PRDM8: variants seen among roughly 807,000 people sequenced by gnomAD.
PRDM8 encodes PR domain zinc finger protein 8.
In PRDM8, 13 loss-of-function variants were observed where a neutral mutation model predicts 46.5. The ratio of observed to expected loss-of-function variants is 0.28; its 90% CI spans 0.18 to 0.44. PRDM8 has a LOEUF of 0.44. Ranked by LOEUF, PRDM8 falls within the 20% of genes least tolerant of loss-of-function variation. PRDM8 has a pLI of 1.00. For synonymous variants in PRDM8, 473 were observed against 438.4 expected (o/e 1.08, Z -0.98); for missense variants, 998 against 955.0 (o/e 1.04, Z -0.59).
upstream of PRDM8, chr4:80,196,619 T>G: frequency 1.0e-6 from 1 of 985,184 alleles, no homozygotes; most frequent in Non-Finnish European, 1.2e-6. Flanking sequence ...TTTTTATTTT[T>G]AATCACCCTT....
Position 80,202,717 on chromosome 4 carries a change from G to C in PRDM8, c.1255G>C (p.Gly419Arg), listed in dbSNP as rs1311467255. The stretch of plus-strand genomic sequence containing the variant: ...CTCCGAGGACCAGGACGCTGGCGGC[G>C]GCGGCGGCTCCTCCACGCCCGCGGC... ...VASEDQDAGG[G>R]GGSSTPAAAS... is the part of the protein sequence containing the mutation. Residue 419 changes from glycine (G) to arginine (R), a missense_variant, in exon 4 of 4, where the codon GGC becomes CGC. Transcript: ENST00000415738. 1.5e-5 allele frequency: 20 copies of C among 1,318,906 alleles called. No individual in the cohort carries two copies. Among genetic ancestry groups the C allele is most frequent in the Non-Finnish European group, 1.9e-5 (20 of 1,040,080 alleles). The allele number at this position is 1,318,906 out of a possible 1,614,324, so 81.7% of individuals were successfully genotyped here. A position where few individuals can be genotyped will look rare whatever the true frequency, so the allele number is the denominator to read the frequency against.
At chr4:80,186,755 C>T (rs1485085277) in intron 1 of PRDM8, among the ~76,000 whole-genome samples, 1 of 152,222 alleles carries the variant, frequency 6.6e-6, no homozygotes, top group African/African-American at 2.4e-5. Context: ...TTAGATGCCT[C>T]TTCCGTGTTT....
chr4:80,198,529 A>C (rs12645503), intron 1 of PRDM8, among the ~76,000 whole-genome samples: 41,840 of 152,114 alleles, frequency 0.28, 6,304 homozygotes, highest in East Asian at 0.62. Flanking sequence ...AAAAATGACC[A>C]GGGATAGATG....
chr4:80,197,019 C>T (rs1187482646), upstream of PRDM8: 10 of 985,334 alleles, frequency 1.0e-5, no homozygotes, highest in Non-Finnish European at 1.2e-5. Context: ...TTTATCACCC[C>T]CAGGCAACTA....
upstream of PRDM8, chr4:80,196,744 A>G: frequency 1.2e-6 from 1 of 863,576 alleles, no homozygotes; most frequent in Non-Finnish European, 1.4e-6. Context: ...ACAAAAACAA[A>G]CAAAAAAAAA....
At position 80,202,198 on chromosome 4, in the gene PRDM8, C is replaced by G. The variant is rs1330185577; in HGVS notation, c.736C>G (p.Pro246Ala). Residue 246 changes from proline to alanine, a missense_variant, in exon 4 of 4, where the codon CCA becomes GCA. Coordinates refer to ENST00000415738, the MANE Select transcript of PRDM8 (RefSeq NM_001099403.2). ...ATCCCCCTCCCCGGAAAGCAGCAAC[C>G]CATCCGCTGCCGCCGGCGGCAGCAG... Reference protein sequence around the residue: ...YPSPSPESSNPSAAAGGSSAK... With the variant: ...YPSPSPESSNASAAAGGSSAK... 6.2e-7 allele frequency: 1 copy of G among 1,611,962 alleles called. No homozygotes were observed. Among genetic ancestry groups the G allele is most frequent in the Non-Finnish European group, 8.5e-7 (1 of 1,179,778 alleles).
At chr4:80,187,244 T>TGCGGA (rs60061648) in intron 1 of PRDM8, among the ~76,000 whole-genome samples, 1 of 89,924 alleles carries the variant, frequency 1.1e-5, no homozygotes, top group African/African-American at 4.4e-5. Flanking sequence ...TTCTCTGCCC[T>TGCGGA]GGGGCGGGGG....
upstream of PRDM8, chr4:80,196,721 A>T (rs1027509936): frequency 3.3e-6 from 3 of 900,842 alleles, no homozygotes; most frequent in Middle Eastern, 5.7e-4. Context: ...AGGGGGGGAA[A>T]AACCCCACGA....
At chr4:80,192,734 G>T (rs967242772), upstream of PRDM8, among the ~76,000 whole-genome samples, 8 of 152,186 alleles carry the variant, frequency 5.3e-5, no homozygotes, top group Admixed American at 4.6e-4. Context: ...GAACCCAGGG[G>T]GTTGAAATAG....
rs1351558021 is a variant in PRDM8, at chr4:80,201,984, G to C, written c.522G>C (p.Leu174=). The C allele has an allele frequency of 1.2e-6, 2 of 1,614,150 alleles. No homozygotes were observed. The highest frequency in any genetic ancestry group is 1.7e-6 in the Non-Finnish European group (2 of 1,180,022). The change falls in exon 4 of 4, where the codon CTG becomes CTC. Residue 174 remains leucine (L), a synonymous_variant. Transcript: ENST00000415738. ...FQFEFPYVAH[L]RFRCPKRLHS... Reference sequence around the variant, plus strand: ...TTGAGTTCCCCTATGTGGCGCATCTGCGTTTCCGCTGCCCCAAGAGACTTC... The same window carrying C: ...TTGAGTTCCCCTATGTGGCGCATCTCCGTTTCCGCTGCCCCAAGAGACTTC...
chr4:80,199,737 G>GTGTGTGTGTGTGTGTGTGTGTGTGTA lies in PRDM8; in HGVS notation c.-2-341_-2-340insGTGTGTGTGTGTGTGTGTGTGTGTAT, dbSNP rs1553905032. Among the ~76,000 whole-genome samples the GTGTGTGTGTGTGTGTGTGTGTGTGTA allele has an allele frequency of 2.0e-3, 288 of 140,506 alleles. 1 individual carries two copies. The highest frequency in any genetic ancestry group is 2.6e-3 in the Non-Finnish European group (174 of 65,682). 92.2% of individuals were successfully genotyped at this position (140,506 alleles called of 152,430 possible). ...TGTGTGTGTGTGTGTGTGTGTGTGTGTACATATATATATAATTCTGCCTGG... is the reference window on the plus strand; with the variant it reads ...TGTGTGTGTGTGTGTGTGTGTGTGTGTGTGTGTGTGTGTGTGTGTGTGTGTATACATATATATATAATTCTGCCTGG... On this transcript the variant is annotated intron_variant, in intron 1 of 3. Coordinates refer to ENST00000415738, the MANE Select transcript of PRDM8 (RefSeq NM_001099403.2).
rs995192185 is a variant in PRDM8, at chr4:80,191,040, C to T, written c.-982-432C>T. Among the ~76,000 whole-genome samples, 3 of 152,212 alleles carry T rather than the reference C, an allele frequency of 2.0e-5. No homozygotes were observed. In the East Asian group the frequency reaches 5.8e-4, roughly 29 times the overall value. Reference sequence around the variant, plus strand: ...ATATTCTTTATAGCTATTCAATTTGCTCCCTTGGGACCAATTGCTGTCCTG... The same window carrying T: ...ATATTCTTTATAGCTATTCAATTTGTTCCCTTGGGACCAATTGCTGTCCTG... On this transcript the variant is annotated intron_variant, in intron 1 of 9. Transcript: ENST00000339711.
chr4:80,195,973 T>C, upstream of PRDM8: 1 of 583,114 alleles, frequency 1.7e-6, no homozygotes, highest in Non-Finnish European at 2.1e-6. Context: ...AGGAAGAACA[T>C]GAACTTCATG....
chr4:80,197,640 C>T lies in PRDM8; in HGVS notation c.-126C>T. The T allele has an allele frequency of 1.0e-6, 1 of 982,058 alleles. No individual in the cohort carries two copies. The highest frequency in any genetic ancestry group is 4.7e-5 in the South Asian group (1 of 21,128). The allele number at this position is 982,058 out of a possible 1,614,324, so 60.8% of individuals were successfully genotyped here. A position where few individuals can be genotyped will look rare whatever the true frequency, so the allele number is the denominator to read the frequency against. ...ATCTCTTCAGGAAGAGCCTAAAAGG[C>T]GGCAACACCAACACCTCTTGACATG... On this transcript the variant is annotated 5_prime_UTR_variant, in exon 1 of 4. Coordinates refer to ENST00000415738, the MANE Select transcript of PRDM8 (RefSeq NM_001099403.2).
chr4:80,188,823 A>C (rs1396218184), intron 1 of PRDM8, among the ~76,000 whole-genome samples: 1 of 152,254 alleles, frequency 6.6e-6, no homozygotes, highest in Non-Finnish European at 1.5e-5. Flanking sequence ...TCCGCCGGGC[A>C]TCGCGAGCCA....
rs1553906750 is a variant in PRDM8, at chr4:80,203,746, C to CCA, written c.*227_*228dup. Reference sequence around the variant, plus strand: ...ATTTACCCGGGACACACACCCCCCCCCACACACACACACAGACACACTCAC... The same window carrying CCA: ...ATTTACCCGGGACACACACCCCCCCCCACACACACACACACAGACACACTCAC... On this transcript the variant is annotated 3_prime_UTR_variant, in exon 4 of 4. Transcript: ENST00000415738. The CCA allele has an allele frequency of 2.5e-4, 111 of 452,906 alleles. No individual in the cohort carries two copies. The highest frequency in any genetic ancestry group is 4.8e-4 in the South Asian group (21 of 43,454). 28.1% of individuals were successfully genotyped at this position (452,906 alleles called of 1,614,324 possible). A position where few individuals can be genotyped will look rare whatever the true frequency, so the allele number is the denominator to read the frequency against.
intron 1 of PRDM8, among the ~76,000 whole-genome samples, chr4:80,188,110 A>C (rs1737263598): frequency 6.6e-6 from 1 of 151,668 alleles, no homozygotes; most frequent in African/African-American, 2.4e-5. Flanking sequence ...CTTCCTTCCA[A>C]CTCTCCAGTC....
chr4:80,197,460 G>A (rs1252090436), upstream of PRDM8: 1 of 985,878 alleles, frequency 1.0e-6, no homozygotes, highest in Non-Finnish European at 1.2e-6. Flanking sequence ...TCATTGGGCA[G>A]ATTATGTGCA....
upstream of PRDM8, chr4:80,194,338 C>A: frequency 1.9e-6 from 1 of 537,832 alleles, no homozygotes; most frequent in Non-Finnish European, 2.4e-6. Flanking sequence ...ACCCATTGTT[C>A]CATATGAATT....
Sources: gnomAD v4.1 joint callset for allele counts (sites outside exome capture counted in the v4.1 genomes callset) on GRCh38, gnomAD v4.1.1 for gene constraint, MANE v1.5 for transcripts, NCBI Gene and HGNC (gene_info 2026-07-23, HGNC 2026-07-21) for gene names.